RNF214: variants seen among roughly 807,000 people sequenced by gnomAD.
The protein encoded by RNF214 is ring finger protein 214.
In RNF214, 25 loss-of-function variants were observed where a neutral mutation model predicts 75.9. The observed-to-expected ratio is 0.33, with a 90% CI of 0.24 to 0.46. The LOEUF is 0.46. Among genes scored for constraint, RNF214 ranks in the 20% least tolerant of loss-of-function variants. The pLI, the probability that RNF214 is intolerant of heterozygous loss-of-function variation, is 1.00. For missense variants in RNF214, 725 were observed against 857.5 expected, an observed-to-expected ratio of 0.85 and a Z score of 1.93; for synonymous variants, 314 against 308.8, an observed-to-expected ratio of 1.02 and a Z score of -0.18.
intron 6 of RNF214, among the ~76,000 whole-genome samples, chr11:117,269,428 C>G (rs2033862036): frequency 6.6e-6 from 1 of 152,098 alleles, no homozygotes; most frequent in African/African-American, 2.4e-5. Flanking sequence ...GTGGCATGAT[C>G]ATGGCTCACC....
intron 4 of RNF214, among the ~76,000 whole-genome samples, chr11:117,243,498 T>A (rs895520247): frequency 2.0e-5 from 3 of 152,214 alleles, no homozygotes; most frequent in Non-Finnish European, 4.4e-5. Flanking sequence ...TCATTTGTTT[T>A]AAAAATTTTT....
intron 4 of RNF214, among the ~76,000 whole-genome samples, chr11:117,242,669 A>G (rs2033110515): frequency 6.6e-6 from 1 of 152,228 alleles, no homozygotes; most frequent in Non-Finnish European, 1.5e-5. Flanking sequence ...CCTGGCCAAC[A>G]TGGCAAAACC....
At chr11:117,253,413 T>C (rs1248532499) in intron 6 of RNF214, among the ~76,000 whole-genome samples, 2 of 152,242 alleles carry the variant, frequency 1.3e-5, no homozygotes, top group Non-Finnish European at 2.9e-5. Flanking sequence ...GTCCTGGAAA[T>C]TGTCTTGCTT....
Position 117,256,353 on chromosome 11 carries a change from T to G in RNF214, c.959+9405T>G, listed in dbSNP as rs115606784. ...TTAATATCTTGAAACAATAGTATTT[T>G]ATTATTTCTCACAATTCTTTGGGTG... On this transcript the variant is annotated intron_variant, in intron 6 of 14. Transcript: ENST00000300650. Among the ~76,000 whole-genome samples, 598 of 152,362 alleles carry G rather than the reference T, an allele frequency of 3.9e-3. 2 individuals carry two copies. Among genetic ancestry groups the G allele is most frequent in the Middle Eastern group, 0.017 (5 of 294 alleles).
chr11:117,264,788 C>G (rs543400590), intron 6 of RNF214, among the ~76,000 whole-genome samples: 2 of 151,990 alleles, frequency 1.3e-5, no homozygotes, highest in South Asian at 4.2e-4. Context: ...ATTGGGTCCT[C>G]TTAGGTGATT....
At chr11:117,264,835 G>C (rs2033759781) in intron 6 of RNF214, among the ~76,000 whole-genome samples, 1 of 151,920 alleles carries the variant, frequency 6.6e-6, no homozygotes, top group Non-Finnish European at 1.5e-5. Flanking sequence ...AAGCCAAGGT[G>C]GGCGGATCAC....
At chr11:117,272,616 T>C (rs2033936583) in intron 6 of RNF214, among the ~76,000 whole-genome samples, 1 of 152,120 alleles carries the variant, frequency 6.6e-6, no homozygotes, top group Non-Finnish European at 1.5e-5. Flanking sequence ...AAAATTTTTT[T>C]TTTTTTTTTA....
chr11:117,253,551 A>T (rs2033450066), intron 6 of RNF214, among the ~76,000 whole-genome samples: 1 of 152,138 alleles, frequency 6.6e-6, no homozygotes, highest in African/African-American at 2.4e-5. Flanking sequence ...TTTAACAGTG[A>T]CTTATTGTGT....
At chr11:117,233,962 C>A (rs1255788790) in intron 1 of RNF214, among the ~76,000 whole-genome samples, 1 of 152,150 alleles carries the variant, frequency 6.6e-6, no homozygotes, top group Non-Finnish European at 1.5e-5. Flanking sequence ...CTTGGAAGAT[C>A]CTGGCAGACT....
chr11:117,238,465 AG>A (rs1473008662), intron 2 of RNF214, 135 bp from the exon 3 acceptor site: 3 of 810,386 alleles, frequency 3.7e-6, no homozygotes, highest in Non-Finnish European at 5.8e-6. Context: ...ACCTGCATAC[AG>A]GATAGAAATC....
intron 3 of RNF214, 69 bp from the exon 4 acceptor site, chr11:117,239,732 G>A: frequency 3.6e-6 from 3 of 825,604 alleles, no homozygotes; most frequent in Non-Finnish European, 2.1e-6. Context: ...CGGAATTCTA[G>A]GTGTTAGTGA....
chr11:117,239,736 T>G (rs1232909681), intron 3 of RNF214, 65 bp from the exon 4 acceptor site: 3 of 849,794 alleles, frequency 3.5e-6, no homozygotes, highest in South Asian at 2.8e-5. Flanking sequence ...ATTCTAGGTG[T>G]TAGTGATTCT....
rs2033379215 is a variant in RNF214, at chr11:117,251,319, AGGGGCGGCCGGGCAGAGGCGCC to A, written c.959+4372_959+4393del. The stretch of plus-strand genomic sequence containing the variant: ...GCAGAGGGGCTCCTCACTTCCCAGT[AGGGGCGGCCGGGCAGAGGCGCC>A]CCTCACCTCCCGGACGGGGCGGCTG... On this transcript the variant is annotated intron_variant, in intron 6 of 14. Transcript: ENST00000300650. 3.7e-5 allele frequency among the ~76,000 whole-genome samples: 4 copies of A among 109,040 alleles called. 1 individual carries two copies. Among genetic ancestry groups the A allele is most frequent in the African/African-American group, 7.4e-5 (2 of 26,942 alleles). The allele number at this position is 109,040 out of a possible 152,430, so 71.5% of individuals were successfully genotyped here. A position where few individuals can be genotyped will look rare whatever the true frequency, so the allele number is the denominator to read the frequency against.
intron 6 of RNF214, among the ~76,000 whole-genome samples, chr11:117,261,211 C>T (rs985137553): frequency 1.3e-5 from 2 of 152,142 alleles, no homozygotes; most frequent in African/African-American, 4.8e-5. Flanking sequence ...GAAGAAGTTA[C>T]ATTCTATTTC....
At chr11:117,271,777 G>T (rs2033914927) in intron 6 of RNF214, among the ~76,000 whole-genome samples, 1 of 152,168 alleles carries the variant, frequency 6.6e-6, no homozygotes, top group African/African-American at 2.4e-5. Flanking sequence ...AAAGGAGGTC[G>T]TGGTCACAAA....
At chr11:117,236,222 A>T (rs1454091460) in intron 2 of RNF214, among the ~76,000 whole-genome samples, 1 of 151,442 alleles carries the variant, frequency 6.6e-6, no homozygotes, top group Non-Finnish European at 1.5e-5. Context: ...TGGCCTCCCA[A>T]AGTGCTGGAA....
At chr11:117,240,744 A>G (rs746940811) in intron 4 of RNF214, among the ~76,000 whole-genome samples, 2 of 151,662 alleles carry the variant, frequency 1.3e-5, no homozygotes, top group Non-Finnish European at 2.9e-5. Flanking sequence ...TAAAAACCTT[A>G]TAACTTCTTG....
chr11:117,279,980 G>C lies in RNF214; in HGVS notation c.1032G>C (p.Glu344Asp), dbSNP rs778349990. The C allele has an allele frequency of 1.2e-5, 20 of 1,613,322 alleles. No individual in the cohort carries two copies. Among genetic ancestry groups the C allele is most frequent in the Non-Finnish European group, 1.6e-5 (19 of 1,179,676 alleles). ...DGEINRNIME[E>D]TERAWKAEIL... ...AAATAAATAGGAACATTATGGAAGA[G>C]ACTGAACGGGCCTGGAAGGCAGAGG... The change falls in exon 7 of 15, where the codon GAG (glutamate) becomes GAC (aspartate). Residue 344 changes from glutamate to aspartate, a missense_variant. Physicochemically the swap from Glu to Asp is conservative, Grantham distance 45 (BLOSUM62 2). Around this residue, in one of 2 missense-constraint regions of RNF214, gnomAD observed 363 missense variants for 513.0 expected, o/e 0.71. Coordinates refer to ENST00000300650, the MANE Select transcript of RNF214 (RefSeq NM_207343.4).
intron 6 of RNF214, among the ~76,000 whole-genome samples, chr11:117,276,123 A>G (rs2034011641): frequency 6.6e-6 from 1 of 152,242 alleles, no homozygotes; most frequent in African/African-American, 2.4e-5. Flanking sequence ...CATAAACCGA[A>G]TTAAAAACCA....
Sources: allele counts gnomAD v4.1 joint callset (sites outside exome capture counted in the v4.1 genomes callset), GRCh38; gene constraint gnomAD v4.1.1; regional missense constraint gnomAD v4.1.1; transcripts MANE v1.5; gene names NCBI Gene and HGNC (gene_info 2026-07-23, HGNC 2026-07-21).